ETFB: variants seen among roughly 807,000 people sequenced by gnomAD.
ETFB encodes the protein electron transfer flavoprotein subunit beta, also known as beta-ETF.
A neutral mutation model predicts 25.6 loss-of-function variants in ETFB; 20 were observed. That is an observed-to-expected ratio of 0.78 (90% CI 0.55 to 1.14). The LOEUF (loss-of-function observed/expected upper bound fraction) is 1.14. Among genes scored for constraint, ETFB ranks in the 50% most tolerant of loss-of-function variants. ETFB has a pLI of 0.00. For synonymous variants in ETFB, 142 were observed against 146.7 expected, an observed-to-expected ratio of 0.97 and a Z score of 0.23; for missense variants, 286 against 342.6, an observed-to-expected ratio of 0.83 and a Z score of 1.30.
chr19:51,347,112 C>A, intron 4 of ETFB, 54 bp from the exon 5 acceptor site: 2 of 1,591,810 alleles, frequency 1.3e-6, no homozygotes, highest in South Asian at 1.1e-5. Flanking sequence ...AGGTCCGACC[C>A]GAGCAGTCTG....
In ETFB at chr19:51,353,120, G is replaced by A; in HGVS notation, c.375+12C>T. 1 of 1,613,806 alleles carries A rather than the reference G, an allele frequency of 6.2e-7. No individual in the cohort carries two copies. The highest frequency in any genetic ancestry group is 1.3e-5 in the African/African-American group (1 of 75,028). On this transcript the variant is annotated intron_variant, in intron 3 of 5. Coordinates refer to ENST00000309244, the MANE Select transcript of ETFB (RefSeq NM_001985.3). ...TGAGCAAGGGGGCACAGGGAGGGCT[G>A]ACCACAGCTACCTGTTTGCCCAGCA... is the stretch of plus-strand genomic sequence containing the variant.
At chr19:51,363,858 G>A (rs1302387167) in intron 1 of ETFB, among the ~76,000 whole-genome samples, 3 of 152,280 alleles carry the variant, frequency 2.0e-5, no homozygotes, top group East Asian at 1.9e-4. Context: ...CGGGCAAGCC[G>A]CGGCCTGGTC....
intron 1 of ETFB, 82 bp from the exon 2 acceptor site, chr19:51,354,390 C>G: frequency 6.2e-7 from 1 of 1,614,174 alleles, no homozygotes; most frequent in East Asian, 2.2e-5. Context: ...CTCTCCCAGG[C>G]TGGATGAGGA....
Position 51,345,395 on chromosome 19 carries a change from G to A in ETFB, c.598-14C>T, listed in dbSNP as rs750381743. 1.0e-4 allele frequency: 164 copies of A among 1,613,908 alleles called. No homozygotes were observed. Among genetic ancestry groups the A allele is most frequent in the Non-Finnish European group, 1.3e-4 (148 of 1,179,958 alleles). Reference sequence around the variant, plus strand: ...CTTCTTGGCTTTCTGCACATGGGAAGCCATTGTTCACAGGGCTGTGGAACT... The same window carrying A: ...CTTCTTGGCTTTCTGCACATGGGAAACCATTGTTCACAGGGCTGTGGAACT... On this transcript the variant is annotated splice_polypyrimidine_tract_variant and intron_variant, in intron 5 of 5. Coordinates refer to ENST00000309244, the MANE Select transcript of ETFB (RefSeq NM_001985.3).
At chr19:51,354,446 G>A in intron 1 of ETFB, 138 bp from the exon 2 acceptor site, 13 of 1,613,696 alleles carry the variant, frequency 8.1e-6, no homozygotes, top group Middle Eastern at 1.7e-4. Context: ...GGGTCACACA[G>A]CTCCAGGGAC....
chr19:51,358,998 AAAAAAGAAAAAG>A (rs532619014), intron 1 of ETFB, among the ~76,000 whole-genome samples: 5 of 152,132 alleles, frequency 3.3e-5, no homozygotes, highest in Admixed American at 6.6e-5. Flanking sequence ...ACCTCATCTC[AAAAAAGAAAAAG>A]AAAAAGAAAA....
intron 3 of ETFB, among the ~76,000 whole-genome samples, chr19:51,352,462 C>T (rs1296928492): frequency 6.6e-6 from 1 of 152,176 alleles, no homozygotes; most frequent in Non-Finnish European, 1.5e-5. Context: ...GTCCTTGCCT[C>T]CTCCCTGCCC....
rs74900991 is a variant in ETFB, at chr19:51,353,639, G to A, written c.217-349C>T. The stretch of plus-strand genomic sequence containing the variant: ...ATCCCCTCCTTCCTCAGACCCAGGA[G>A]TCCGGGCCCCCATCCCCTCCTTCTT... On this transcript the variant is annotated intron_variant, in intron 2 of 5. Coordinates refer to ENST00000309244, the MANE Select transcript of ETFB (RefSeq NM_001985.3). Among the ~76,000 whole-genome samples the A allele has an allele frequency of 7.1e-4, 47 of 65,852 alleles. 1 individual carries two copies. Among genetic ancestry groups the A allele is most frequent in the East Asian group, 1.5e-3 (4 of 2,652 alleles). The allele number at this position is 65,852 out of a possible 152,430, so 43.2% of individuals were successfully genotyped here. A position where few individuals can be genotyped will look rare whatever the true frequency, so the allele number is the denominator to read the frequency against.
intron 3 of ETFB, among the ~76,000 whole-genome samples, chr19:51,350,764 G>C (rs1054216225): frequency 2.0e-5 from 3 of 152,046 alleles, no homozygotes; most frequent in Non-Finnish European, 4.4e-5. Context: ...AGTCACCGCA[G>C]CCAGTCGGGT....
At chr19:51,347,733 T>TA (rs1361204030) in intron 4 of ETFB, 13 of 152,602 alleles carry the variant, frequency 8.5e-5, no homozygotes, top group African/African-American at 2.9e-4. Context: ...TTTCAGGTCT[T>TA]AGTGTGAACA....
At position 51,366,364 on chromosome 19, in the gene ETFB, C is replaced by A. The variant is rs1401884535; in HGVS notation, c.-38G>T. On this transcript the variant is annotated 5_prime_UTR_variant, in exon 1 of 6. It adds an upstream start codon to the 5' untranslated region. Transcript: ENST00000309244. ...GCCACTTACAGGGTCAGCCCGCACC[C>A]TCAGCGGCTCAGTCCAGAAGCCCCA... 2 of 1,600,254 alleles carry A rather than the reference C, an allele frequency of 1.2e-6. No homozygotes were observed. The highest frequency in any genetic ancestry group is 1.3e-5 in the African/African-American group (1 of 74,728).
intron 1 of ETFB, among the ~76,000 whole-genome samples, chr19:51,364,306 G>A (rs908489467): frequency 6.6e-6 from 1 of 152,176 alleles, no homozygotes; most frequent in Non-Finnish European, 1.5e-5. Context: ...TCATTTATTT[G>A]TTCTGAAAAG....
At chr19:51,346,818 C>G (rs754178562) in intron 5 of ETFB, 82 bp downstream of exon 5, 2 of 1,381,114 alleles carry the variant, frequency 1.4e-6, no homozygotes, top group African/African-American at 1.4e-5. Context: ...CTTCCCTCCC[C>G]ACGTGCGACC....
intron 4 of ETFB, chr19:51,348,357 A>C (rs904176891): frequency 1.3e-5 from 2 of 152,298 alleles, no homozygotes; most frequent in Non-Finnish European, 2.9e-5. Flanking sequence ...CGGAGGCTGC[A>C]GTGAGCCAAG....
At chr19:51,347,664 C>A (rs1985831858) in intron 4 of ETFB, 1 of 153,510 alleles carries the variant, frequency 6.5e-6, no homozygotes, top group Non-Finnish European at 1.5e-5. Context: ...ACTGATGCCA[C>A]CTACACTCCT....
chr19:51,354,438 G>C (rs1210566512), intron 1 of ETFB, 130 bp from the exon 2 acceptor site: 1 of 1,613,856 alleles, frequency 6.2e-7, no homozygotes, highest in Non-Finnish European at 8.5e-7. Context: ...CTTGTCCGGG[G>C]TCACACAGCT....
In ETFB at chr19:51,366,224, A is replaced by C. The variant is rs183857804; in HGVS notation, c.57+46T>G. 563 of 1,589,208 alleles carry C rather than the reference A, an allele frequency of 3.5e-4. 5 individuals carry two copies. In the African/African-American group the frequency reaches 6.7e-3, roughly 19 times the overall value. On this transcript the variant is annotated intron_variant, in intron 1 of 5. Coordinates refer to ENST00000309244, the MANE Select transcript of ETFB (RefSeq NM_001985.3). ...AGTGTGCGCTCGTGGCCCCGGAAGC[A>C]CACGGCTGCGGGACTCAGGGATGTG...
chr19:51,359,052 G>A (rs1049657953), intron 1 of ETFB, among the ~76,000 whole-genome samples: 1 of 151,972 alleles, frequency 6.6e-6, no homozygotes, highest in Non-Finnish European at 1.5e-5. Context: ...TGGAAGAGGA[G>A]AGGAAAGAGA....
At chr19:51,350,258 C>A in intron 4 of ETFB, 71 bp downstream of exon 4, 3 of 1,540,910 alleles carry the variant, frequency 1.9e-6, no homozygotes, top group Non-Finnish European at 2.6e-6. Context: ...AATGCAAAGG[C>A]CTTGAGGCAG....
Sources: allele counts gnomAD v4.1 joint callset (sites outside exome capture counted in the v4.1 genomes callset), GRCh38; gene constraint gnomAD v4.1.1; transcripts MANE v1.5; gene names NCBI Gene and HGNC (gene_info 2026-07-23, HGNC 2026-07-21).